Variants in CYRIB observed in about 807,000 individuals in gnomAD.
CYRIB encodes CYFIP-related Rac1 interactor B.
CYRIB carries 8 observed loss-of-function variants against 44.2 expected under a neutral mutation model. That is an observed-to-expected ratio of 0.18 (90% confidence interval 0.11 to 0.33). CYRIB has a LOEUF of 0.33. CYRIB is among the 10% of genes least tolerant of loss of function. The probability of loss-of-function intolerance (pLI) is 1.00; values close to 1 mark genes in which losing one functional copy is unlikely to be tolerated. For missense variants in CYRIB, 185 were observed against 382.8 expected (o/e 0.48, Z 4.31); for synonymous variants, 131 against 127.2 (o/e 1.03, Z -0.20).
chr8:129,849,695 A>T lies in CYRIB; in HGVS notation c.714-326T>A, dbSNP rs2042228145. The T allele has an allele frequency of 2.4e-5, 5 of 204,444 alleles. No homozygotes were observed. The South Asian group carries it at 4.2e-4, about 17-fold the overall frequency. 12.7% of individuals were successfully genotyped at this position (204,444 alleles called of 1,614,324 possible). On this transcript the variant is annotated intron_variant, in intron 9 of 11. Transcript: ENST00000519824. ...ATGAGATCCCCAGAGATATGAGAAG[A>T]TGGTGAGTGGAACAGTCATCACCCA...
chr8:129,985,156 C>T (rs2096405455), intron 1 of CYRIB, among the ~76,000 whole-genome samples: 1 of 152,166 alleles, frequency 6.6e-6, no homozygotes, highest in Non-Finnish European at 1.5e-5. Flanking sequence ...AGTTTCTTAA[C>T]CTCTCTGGGC....
intron 1 of CYRIB, chr8:129,912,406 T>C (rs2078486103): frequency 6.6e-6 from 1 of 151,956 alleles, no homozygotes; most frequent in Non-Finnish European, 1.5e-5. Flanking sequence ...TCTAGTCCAA[T>C]GCTGCAGTTA....
At chr8:129,910,070 T>C (rs185106681) in intron 1 of CYRIB, among the ~76,000 whole-genome samples, 46 of 152,192 alleles carry the variant, frequency 3.0e-4, no homozygotes, top group African/African-American at 1.1e-3. Context: ...ATGGACAGAG[T>C]GTCCTCACAG....
intron 5 of CYRIB, among the ~76,000 whole-genome samples, chr8:129,861,428 A>C (rs560097412): frequency 6.6e-6 from 1 of 151,950 alleles, no homozygotes; most frequent in African/African-American, 2.4e-5. Flanking sequence ...TGGGTATATC[A>C]TTAGCTTTCT....
intron 3 of CYRIB, 49 bp from the exon 6 acceptor site, chr8:129,871,545 A>T (rs769336165): frequency 4.4e-6 from 7 of 1,593,816 alleles, no homozygotes; most frequent in Admixed American, 3.5e-5. Flanking sequence ...TGAATTTTTT[A>T]AAATACATGT....
chr8:129,868,803 T>C (rs2055293511), intron 4 of CYRIB: 1 of 151,226 alleles, frequency 6.6e-6, no homozygotes, highest in Non-Finnish European at 1.5e-5. Context: ...ATAAACAGAC[T>C]TTAGAGAAAA....
chr8:129,899,443 A>C (rs1052842893), intron 2 of CYRIB, among the ~76,000 whole-genome samples: 43 of 151,824 alleles, frequency 2.8e-4, no homozygotes, highest in African/African-American at 1.0e-3. Flanking sequence ...TTAGGACCAA[A>C]TGCAGTATGT....
chr8:129,947,924 G>A (rs1167366272), intron 2 of CYRIB: 1 of 152,182 alleles, frequency 6.6e-6, no homozygotes, highest in East Asian at 1.9e-4. Context: ...GAATGATTCT[G>A]GAGTTCAGCT....
chr8:129,894,807 T>C (rs1051033242), intron 2 of CYRIB, among the ~76,000 whole-genome samples: 4 of 152,108 alleles, frequency 2.6e-5, no homozygotes, highest in Non-Finnish European at 4.4e-5. Flanking sequence ...CTAGTATCTT[T>C]GTAACCAATC....
exon 12 of CYRIB, chr8:129,840,207 T>C (rs1314652365): frequency 1.3e-5 from 2 of 156,108 alleles, no homozygotes; most frequent in Non-Finnish European, 1.5e-5. Flanking sequence ...GAAATCAAGA[T>C]ATTGGTAGGG....
At chr8:129,846,742 T>A in intron 11 of CYRIB, 62 bp downstream of exon 13, 1 of 1,140,324 alleles carries the variant, frequency 8.8e-7, no homozygotes, top group Non-Finnish European at 1.3e-6. Flanking sequence ...TTTCTTTACA[T>A]AAACATCGAC....
chr8:129,877,663 GGTGTGTGTGTGTGTGTGTGT>G (rs5895011), intron 3 of CYRIB, among the ~76,000 whole-genome samples: 1 of 130,682 alleles, frequency 7.7e-6, no homozygotes, highest in South Asian at 2.4e-4. Context: ...AAAAAAAAAA[GGTGTGTGTGTGTGTGTGTGT>G]GTGTGTGTGT....
chr8:130,006,752 A>T (rs2097111397), intron 1 of CYRIB, among the ~76,000 whole-genome samples: 1 of 147,070 alleles, frequency 6.8e-6, no homozygotes, highest in Non-Finnish European at 1.5e-5. Context: ...AGATTAAAGA[A>T]ATCCTGCAGA....
intron 1 of CYRIB, among the ~76,000 whole-genome samples, chr8:130,016,135 C>G (rs1032540841): frequency 5.4e-5 from 8 of 147,786 alleles, no homozygotes; most frequent in Non-Finnish European, 1.2e-4. Flanking sequence ...CCCGCGCACT[C>G]GAGGCGCCTC....
chr8:129,903,953 A>G (rs561468491), intron 1 of CYRIB, among the ~76,000 whole-genome samples: 1 of 152,198 alleles, frequency 6.6e-6, no homozygotes, highest in Admixed American at 6.5e-5. Flanking sequence ...GGGTCTCGCT[A>G]TTTTGCTCAG....
intron 9 of CYRIB, 86 bp from the exon 12 acceptor site, chr8:129,849,455 A>G (rs2042105659): frequency 7.5e-7 from 1 of 1,329,042 alleles, no homozygotes; most frequent in Non-Finnish European, 1.0e-6. Context: ...ACCTCTTCTG[A>G]AATATTTTAT....
At chr8:129,946,722 T>C (rs756526760) in intron 2 of CYRIB, among the ~76,000 whole-genome samples, 49 of 152,364 alleles carry the variant, frequency 3.2e-4, no homozygotes, top group Middle Eastern at 6.8e-3. Flanking sequence ...AAGGTTTATC[T>C]ATGAGCCTCC....
At chr8:129,912,691 A>C (rs1270657774) in intron 1 of CYRIB, among the ~76,000 whole-genome samples, 1 of 151,992 alleles carries the variant, frequency 6.6e-6, no homozygotes, top group East Asian at 1.9e-4. Flanking sequence ...ACAGGGTCTT[A>C]TTAGGATGCC....
chr8:129,921,641 T>C (rs551490679), intron 1 of CYRIB, among the ~76,000 whole-genome samples: 3 of 152,282 alleles, frequency 2.0e-5, no homozygotes, highest in East Asian at 3.9e-4. Flanking sequence ...ACCATCTTAA[T>C]TGAAGGATAA....
Sources: gnomAD v4.1 joint callset for allele counts (sites outside exome capture counted in the v4.1 genomes callset) on GRCh38, gnomAD v4.1.1 for gene constraint, MANE v1.5 for transcripts, NCBI Gene and HGNC (gene_info 2026-07-23, HGNC 2026-07-21) for gene names.